The following PDS5A variants were observed in gnomAD, a reference collection of about 807,000 sequenced individuals.
PDS5A encodes sister chromatid cohesion protein PDS5 homolog A.
PDS5A carries 42 observed loss-of-function variants against 167.1 expected under a neutral mutation model. That is an observed-to-expected ratio of 0.25 (90% CI 0.20 to 0.33). The LOEUF (loss-of-function observed/expected upper bound fraction) is 0.33, where lower values mean the gene tolerates loss of function less well. Ranked by LOEUF, PDS5A falls within the 10% of genes least tolerant of loss-of-function variation. The pLI is 1.00. For missense variants in PDS5A, 1,033 were observed against 1,605.9 expected, an observed-to-expected ratio of 0.64 and a Z score of 6.10; for synonymous variants, 553 against 554.6, an observed-to-expected ratio of 1.00 and a Z score of 0.04.
At chr4:39,933,019 T>C (rs1225697417) in intron 2 of PDS5A, 1 of 152,100 alleles carries the variant, frequency 6.6e-6, no homozygotes, top group African/African-American at 2.4e-5. Context: ...AATACAAAAA[T>C]TAGCCGGGCA....
At chr4:39,896,902 T>TG (rs1578692180) in intron 16 of PDS5A, among the ~76,000 whole-genome samples, 1 of 145,328 alleles carries the variant, frequency 6.9e-6, no homozygotes, top group East Asian at 2.1e-4. Context: ...TCCGTTATAA[T>TG]CTTTTTTTTT....
At position 39,848,937 on chromosome 4, in the gene PDS5A, C is replaced by T; in HGVS notation, c.3253G>A (p.Val1085Ile). 1 of 1,602,454 alleles carries T rather than the reference C, an allele frequency of 6.2e-7. No homozygotes were observed. Among genetic ancestry groups the T allele is most frequent in the Non-Finnish European group, 8.5e-7 (1 of 1,171,884 alleles). Reference sequence around the variant, plus strand: ...CACAAAGCACTTTTACTATTTATAACACAGAGAGCCACATCACATACTGTA... The same window carrying T: ...CACAAAGCACTTTTACTATTTATAATACAGAGAGCCACATCACATACTGTA... Reference protein sequence around the residue: ...LYTVCDVALCVINSKSALCNA... With the variant: ...LYTVCDVALCIINSKSALCNA... Residue 1085 changes from valine (V) to isoleucine (I), a missense_variant, in exon 28 of 33, where the codon GTT becomes ATT. Transcript: ENST00000303538.
intron 2 of PDS5A, among the ~76,000 whole-genome samples, chr4:39,952,109 T>A (rs1045878113): frequency 4.0e-5 from 6 of 151,862 alleles, no homozygotes; most frequent in Admixed American, 6.6e-5. Flanking sequence ...GTGGGCGGAT[T>A]ACCTGAGTTC....
intron 4 of PDS5A, among the ~76,000 whole-genome samples, chr4:39,926,259 C>T (rs1047248732): frequency 7.9e-5 from 12 of 151,928 alleles, no homozygotes; most frequent in Admixed American, 6.6e-5. Flanking sequence ...CGGTGGCTCA[C>T]GCCTGTAATC....
In PDS5A at chr4:39,869,373, TC is replaced by T; in HGVS notation, c.2505+20del. 2 of 1,420,300 alleles carry T rather than the reference TC, an allele frequency of 1.4e-6. No homozygotes were observed. The highest frequency in any genetic ancestry group is 2.0e-6 in the Non-Finnish European group (2 of 1,006,522). 88.0% of individuals were successfully genotyped at this position (1,420,300 alleles called of 1,614,324 possible). On this transcript the variant is annotated intron_variant, in intron 22 of 32. Coordinates refer to ENST00000303538, the MANE Select transcript of PDS5A (RefSeq NM_001100399.2). Reference sequence around the variant, plus strand: ...GTCCCTTTTTTAAACATGAAGATTATCAAGGCCTAAACAAATTTACCTTTGC... The same window carrying T: ...GTCCCTTTTTTAAACATGAAGATTATAAGGCCTAAACAAATTTACCTTTGC...
intron 2 of PDS5A, among the ~76,000 whole-genome samples, chr4:39,955,614 C>T (rs377346266): frequency 1.3e-5 from 2 of 151,700 alleles, no homozygotes; most frequent in South Asian, 4.2e-4. Context: ...AAAACAACAA[C>T]AAAACAAACA....
rs1360051036 is a variant in PDS5A at position 39,824,926 on chromosome 4, A to G, written c.*559T>C. The G allele has an allele frequency of 6.6e-6, 1 of 152,666 alleles. No individual in the cohort carries two copies. Among genetic ancestry groups the G allele is most frequent in the Non-Finnish European group, 1.5e-5 (1 of 68,048 alleles). The allele number at this position is 152,666 out of a possible 1,614,324, so 9.5% of individuals were successfully genotyped here. A position where few individuals can be genotyped will look rare whatever the true frequency, so the allele number is the denominator to read the frequency against. ...AAATCTGTACATCTCATTTTTGCAGAAAAGTAGGCAGGCAGAAAGAATTAT... is the reference window on the plus strand; with the variant it reads ...AAATCTGTACATCTCATTTTTGCAGGAAAGTAGGCAGGCAGAAAGAATTAT... On this transcript the variant is annotated 3_prime_UTR_variant, in exon 33 of 33. Coordinates refer to ENST00000303538, the MANE Select transcript of PDS5A (RefSeq NM_001100399.2).
chr4:39,899,851 TAAAAAAAAAAAAAAA>T (rs532738160), intron 14 of PDS5A, among the ~76,000 whole-genome samples: 3 of 102,408 alleles, frequency 2.9e-5, no homozygotes, highest in African/African-American at 1.4e-4. Flanking sequence ...TCCTGTGTAT[TAAAAAAAAAAAAAAA>T]AAAAAAAAAA....
At chr4:39,849,462 TG>T in intron 27 of PDS5A, 57 bp downstream of exon 27, 1 of 772,532 alleles carries the variant, frequency 1.3e-6, no homozygotes, top group Non-Finnish European at 1.9e-6. Flanking sequence ...AAAAACCAAG[TG>T]GGACAATATA....
intron 16 of PDS5A, among the ~76,000 whole-genome samples, chr4:39,891,054 G>C (rs923279981): frequency 6.6e-6 from 1 of 151,008 alleles, no homozygotes; most frequent in Non-Finnish European, 1.5e-5. Flanking sequence ...TTTTGAGCTG[G>C]AGTCTCGCTC....
At chr4:39,905,489 C>CGGA (rs1723252878) in intron 11 of PDS5A, among the ~76,000 whole-genome samples, 1 of 152,072 alleles carries the variant, frequency 6.6e-6, no homozygotes, top group South Asian at 2.1e-4. Flanking sequence ...GCCTGAGAGG[C>CGGA]GGAGGTTGCG....
chr4:39,976,346 A>T (rs2109836228), intron 2 of PDS5A, 94 bp downstream of exon 2: 1 of 1,036,036 alleles, frequency 9.7e-7, no homozygotes, highest in Non-Finnish European at 1.4e-6. Context: ...GATCTAAAAA[A>T]CTTGGAACTT....
Position 39,877,141 on chromosome 4 carries a change from T to TA in PDS5A, c.2004dup (p.Thr669TyrfsTer13). Reference sequence around the variant, plus strand: ...GCAGAGTGGAACGAGGTAGGATGTGTAAAAGACAGAACCTGAAAAAACAGA... The same window carrying TA: ...GCAGAGTGGAACGAGGTAGGATGTGTAAAAAGACAGAACCTGAAAAAACAGA... On this transcript the variant is annotated frameshift_variant, in exon 19 of 33. Transcript: ENST00000303538. LOFTEE classifies it high-confidence loss of function. 6.3e-7 allele frequency: 1 copy of TA among 1,578,324 alleles called. No individual in the cohort carries two copies. Among genetic ancestry groups the TA allele is most frequent in the Non-Finnish European group, 8.6e-7 (1 of 1,162,098 alleles).
At chr4:39,917,869 C>T (rs781706355) in intron 7 of PDS5A, among the ~76,000 whole-genome samples, 1 of 151,732 alleles carries the variant, frequency 6.6e-6, no homozygotes, top group Non-Finnish European at 1.5e-5. Flanking sequence ...CCCATTGCGC[C>T]TGGCCTCAAC....
intron 2 of PDS5A, among the ~76,000 whole-genome samples, chr4:39,967,017 A>T (rs1429449952): frequency 6.6e-6 from 1 of 151,204 alleles, no homozygotes; most frequent in Admixed American, 6.6e-5. Context: ...GAAAAAAAAA[A>T]TTTCAGGCTG....
At chr4:39,863,485 A>C in intron 23 of PDS5A, 26 bp from the exon 24 acceptor site, 1 of 1,550,042 alleles carries the variant, frequency 6.5e-7, no homozygotes, top group Non-Finnish European at 8.8e-7. Flanking sequence ...AAAGAAATAA[A>C]CATTTCCTAT....
At chr4:39,913,525 T>G in intron 9 of PDS5A, 86 bp downstream of exon 9, 1 of 692,452 alleles carries the variant, frequency 1.4e-6, no homozygotes, top group Non-Finnish European at 2.6e-6. Flanking sequence ...TAATGAAAGT[T>G]TTGATATGTA....
intron 19 of PDS5A, among the ~76,000 whole-genome samples, chr4:39,875,901 A>C (rs1005023725): frequency 7.2e-5 from 11 of 152,060 alleles, no homozygotes; most frequent in African/African-American, 2.7e-4. Flanking sequence ...ACAGAAAGTC[A>C]ACTTTAACCT....
At chr4:39,954,435 C>T (rs1437300763) in intron 2 of PDS5A, among the ~76,000 whole-genome samples, 2 of 151,916 alleles carry the variant, frequency 1.3e-5, no homozygotes, top group East Asian at 1.9e-4. Flanking sequence ...TCTCCTGCCT[C>T]GGCCTCCTGA....
Sources: allele counts gnomAD v4.1 joint callset (sites outside exome capture counted in the v4.1 genomes callset), GRCh38; gene constraint gnomAD v4.1.1; transcripts MANE v1.5; gene names NCBI Gene and HGNC (gene_info 2026-07-23, HGNC 2026-07-21).